TTC6: variants seen among roughly 807,000 people sequenced by gnomAD.
TTC6 encodes tetratricopeptide repeat domain 6, also known as tetratricopeptide repeat protein 6.
TTC6 carries 172 observed loss-of-function variants against 210.4 expected under a neutral mutation model. The ratio of observed to expected loss-of-function variants is 0.82; its 90% CI spans 0.72 to 0.93. The LOEUF (loss-of-function observed/expected upper bound fraction) is 0.93. Ranked by LOEUF, TTC6 falls within the 40% of genes least tolerant of loss-of-function variation. The pLI is 0.00. For synonymous variants in TTC6, 804 were observed against 819.6 expected, an observed-to-expected ratio of 0.98 and a Z score of 0.32; for missense variants, 2,414 against 2,318.1, an observed-to-expected ratio of 1.04 and a Z score of -0.85.
upstream of TTC6, among the ~76,000 whole-genome samples, chr14:37,620,239 T>G (rs545808825): frequency 1.7e-4 from 26 of 152,274 alleles, no homozygotes; most frequent in South Asian, 4.1e-4. Context: ...TAAATTCAAA[T>G]CTCTTGCAGA....
At chr14:37,725,312 G>GTGTGTATATA (rs1318506400) in intron 7 of TTC6, among the ~76,000 whole-genome samples, 1 of 33,912 alleles carries the variant, frequency 2.9e-5, no homozygotes, top group Non-Finnish European at 5.6e-5. Flanking sequence ...GTGTGTGTGT[G>GTGTGTATATA]TATATATATA....
At chr14:37,751,127 G>A (rs2095950639) in exon 13 of TTC6, 2 of 1,532,482 alleles carry the variant, frequency 1.3e-6, no homozygotes, top group Non-Finnish European at 1.7e-6. Flanking sequence ...CTATACCCAG[G>A]CAATTAAATC....
intron 5 of TTC6, among the ~76,000 whole-genome samples, 163 bp from the exon 8 acceptor site, chr14:37,714,492 G>C (rs1472115672): frequency 6.6e-6 from 1 of 151,904 alleles, no homozygotes; most frequent in South Asian, 2.1e-4. Context: ...AGCATTTTTG[G>C]ATTATTTCTC....
At chr14:37,774,550 ACG>A (rs1375618406) in intron 14 of TTC6, among the ~76,000 whole-genome samples, 1 of 152,122 alleles carries the variant, frequency 6.6e-6, no homozygotes, top group African/African-American at 2.4e-5. Flanking sequence ...ATTGATTTGC[ACG>A]TGTGTAAACA....
intron 1 of TTC6, among the ~76,000 whole-genome samples, chr14:37,640,762 C>T (rs979159460): frequency 1.4e-4 from 22 of 152,122 alleles, no homozygotes; most frequent in South Asian, 2.1e-4. Context: ...AGGCTGGTCT[C>T]GAACTCCTGA....
intron 1 of TTC6, among the ~76,000 whole-genome samples, chr14:37,629,959 A>G (rs1303505786): frequency 6.6e-6 from 1 of 152,086 alleles, no homozygotes; most frequent in Admixed American, 6.6e-5. Flanking sequence ...GATGAAGCCG[A>G]CTCGATCATA....
At chr14:37,790,147 G>A (rs945318586) in intron 15 of TTC6, among the ~76,000 whole-genome samples, 2 of 152,012 alleles carry the variant, frequency 1.3e-5, no homozygotes. Context: ...CTGTCATTTG[G>A]GATGTGCATA....
chr14:37,693,051 A>G (rs1170386282), intron 3 of TTC6, among the ~76,000 whole-genome samples: 2 of 152,104 alleles, frequency 1.3e-5, no homozygotes, highest in Admixed American at 6.6e-5. Flanking sequence ...AGCTACAGCC[A>G]TCAGACAACA....
chr14:37,793,545 A>C (rs1188351320), intron 17 of TTC6, among the ~76,000 whole-genome samples: 1 of 152,186 alleles, frequency 6.6e-6, no homozygotes, highest in Non-Finnish European at 1.5e-5. Flanking sequence ...GTAGGGACCT[A>C]GGGCAGGTTC....
chr14:37,840,513 C>T (rs1410375790), intron 29 of TTC6, among the ~76,000 whole-genome samples: 1 of 151,824 alleles, frequency 6.6e-6, no homozygotes, highest in African/African-American at 2.4e-5. Context: ...ATCCTGATGT[C>T]AAAACCTGGC....
intron 2 of TTC6, among the ~76,000 whole-genome samples, chr14:37,680,658 G>A (rs2095781509): frequency 6.6e-6 from 1 of 152,170 alleles, no homozygotes; most frequent in Non-Finnish European, 1.5e-5. Context: ...AATATGGACA[G>A]TTGGTGACAG....
At chr14:37,759,254 C>A (rs1454773360) in intron 14 of TTC6, among the ~76,000 whole-genome samples, 4 of 145,558 alleles carry the variant, frequency 2.7e-5, no homozygotes, top group Middle Eastern at 3.5e-3. Context: ...AATAGCCAGA[C>A]TCCATCTCAA....
chr14:37,807,538 C>A (rs1433597938), intron 23 of TTC6, 78 bp downstream of exon 25: 2 of 1,268,800 alleles, frequency 1.6e-6, no homozygotes, highest in Non-Finnish European at 2.1e-6. Flanking sequence ...GACTCACTTA[C>A]TTTTTTTCTA....
At chr14:37,757,878 C>A (rs142766049) in intron 14 of TTC6, among the ~76,000 whole-genome samples, 1 of 152,064 alleles carries the variant, frequency 6.6e-6, no homozygotes, top group African/African-American at 2.4e-5. Flanking sequence ...TGGTATGTTG[C>A]GTCTTTGTTC....
At chr14:37,670,498 T>C (rs1201102969) in intron 1 of TTC6, among the ~76,000 whole-genome samples, 2 of 145,430 alleles carry the variant, frequency 1.4e-5, no homozygotes, top group Admixed American at 6.9e-5. Flanking sequence ...TTTTTTTTAG[T>C]CTCCCTCTGT....
chr14:37,655,401 T>G (rs768109215), intron 1 of TTC6, among the ~76,000 whole-genome samples: 2 of 152,206 alleles, frequency 1.3e-5, no homozygotes, highest in African/African-American at 2.4e-5. Context: ...AAACTTCGTG[T>G]TTTAATTTCT....
At chr14:37,817,682 T>C in intron 26 of TTC6, 31 bp downstream of exon 28, 4 of 1,601,556 alleles carry the variant, frequency 2.5e-6, no homozygotes, top group Non-Finnish European at 3.4e-6. Flanking sequence ...CAAAGTGGAA[T>C]CAAGCAGGAC....
chr14:37,796,995 A>G (rs760412129), intron 20 of TTC6, 48 bp downstream of exon 22: 8 of 1,491,206 alleles, frequency 5.4e-6, no homozygotes, highest in South Asian at 1.4e-5. Context: ...AATGAAGTGT[A>G]TATATTGTGC....
intron 1 of TTC6, among the ~76,000 whole-genome samples, chr14:37,597,254 C>G (rs1594984562): frequency 6.6e-6 from 1 of 152,096 alleles, no homozygotes; most frequent in Admixed American, 6.6e-5. Context: ...GTAAAGTATA[C>G]GGATGCTTAG....
Sources: gnomAD v4.1 joint callset for allele counts (sites outside exome capture counted in the v4.1 genomes callset) on GRCh38, gnomAD v4.1.1 for gene constraint, MANE v1.5 for transcripts, NCBI Gene and HGNC (gene_info 2026-07-23, HGNC 2026-07-21) for gene names.